SLC45A4: variants seen among roughly 807,000 people sequenced by gnomAD.
SLC45A4 encodes polyamine-transporter SLC45A4.
SLC45A4 carries 32 observed loss-of-function variants against 63.7 expected under a neutral mutation model. The ratio of observed to expected loss-of-function variants is 0.50; its 90% CI spans 0.38 to 0.67. SLC45A4 has a LOEUF of 0.67. SLC45A4 is among the 30% of genes least tolerant of loss of function. The pLI, the probability that SLC45A4 is intolerant of heterozygous loss-of-function variation, is 0.00. For missense variants in SLC45A4, 1,027 were observed against 1,157.7 expected (o/e 0.89, Z 1.64); for synonymous variants, 535 against 510.0 (o/e 1.05, Z -0.66).
intron 1 of SLC45A4, among the ~76,000 whole-genome samples, chr8:141,280,992 C>T (rs1829916698): frequency 6.6e-6 from 1 of 152,256 alleles, no homozygotes; most frequent in African/African-American, 2.4e-5. Context: ...GTCCAGGCAT[C>T]CTCTCAGCAT....
At chr8:141,258,961 A>G (rs764609280) in intron 1 of SLC45A4, among the ~76,000 whole-genome samples, 9 of 152,066 alleles carry the variant, frequency 5.9e-5, no homozygotes, top group Non-Finnish European at 1.3e-4. Flanking sequence ...GATTTCAAAA[A>G]ACTAAGCCCT....
chr8:141,280,623 C>T (rs1829896978), intron 1 of SLC45A4, among the ~76,000 whole-genome samples: 2 of 152,198 alleles, frequency 1.3e-5, no homozygotes, highest in African/African-American at 4.8e-5. Flanking sequence ...CTCCAAACAG[C>T]CAGGCTGAGT....
chr8:141,254,183 T>C lies in SLC45A4; in HGVS notation c.47A>G (p.Gln16Arg), dbSNP rs1285960140. The C allele has an allele frequency of 6.5e-6, 10 of 1,536,008 alleles. No individual in the cohort carries two copies. The East Asian group carries it at 2.2e-4, about 34-fold the overall frequency. Residue 16 changes from glutamine (Q) to arginine (R), a missense_variant, in exon 2 of 9, where the codon CAA (glutamine) becomes CGA (arginine). Physicochemically the swap from Gln to Arg is conservative, Grantham distance 43. Transcript: ENST00000517878. This position sits in a 1 kb window ranked among gnomAD's most constrained non-coding sequence, Gnocchi z 4.5. The stretch of plus-strand genomic sequence containing the variant: ...GTCCGGCAGGGGCACGGATAACTCT[T>C]GAACTTGCATAGATTCCGGGTCGGC... ...QNADPESMQVQELSVPLPDPQ... is the reference protein window; with the variant it reads ...QNADPESMQVRELSVPLPDPQ...
At chr8:141,238,394 C>T (rs886427186) in intron 2 of SLC45A4, among the ~76,000 whole-genome samples, 1 of 152,168 alleles carries the variant, frequency 6.6e-6, no homozygotes, top group African/African-American at 2.4e-5. Flanking sequence ...CTTAGACTGC[C>T]GTGCAACCAT....
chr8:141,274,450 C>T (rs1235258343), intron 1 of SLC45A4, among the ~76,000 whole-genome samples: 2 of 149,904 alleles, frequency 1.3e-5, no homozygotes, highest in Non-Finnish European at 3.0e-5. Context: ...AGGAGAATCG[C>T]TTGAACCCGG....
intron 2 of SLC45A4, among the ~76,000 whole-genome samples, chr8:141,244,710 A>G (rs1828082563): frequency 6.6e-6 from 1 of 152,174 alleles, no homozygotes; most frequent in South Asian, 2.1e-4. Flanking sequence ...ATCAAATCCA[A>G]GATGCCACCA....
At chr8:141,212,033 T>C in intron 8 of SLC45A4, 164 bp downstream of exon 8, 1 of 1,345,362 alleles carries the variant, frequency 7.4e-7, no homozygotes, top group Non-Finnish European at 9.5e-7. Flanking sequence ...GACTACTGAA[T>C]TGTGGCTATG....
At chr8:141,248,446 A>G (rs1211606365) in intron 2 of SLC45A4, among the ~76,000 whole-genome samples, 2 of 152,010 alleles carry the variant, frequency 1.3e-5, no homozygotes, top group African/African-American at 2.4e-5. Flanking sequence ...GTGCGTACCT[A>G]CAGTCCAAGC....
chr8:141,227,430 AT>A lies in SLC45A4; in HGVS notation c.242-5666del, dbSNP rs1827077836. 6.6e-6 allele frequency among the ~76,000 whole-genome samples: 1 copy of A among 152,242 alleles called. No individual in the cohort carries two copies. The highest frequency in any genetic ancestry group is 2.1e-4 in the South Asian group (1 of 4,832). On this transcript the variant is annotated intron_variant, in intron 2 of 8. Transcript: ENST00000517878. The surrounding 1 kb of genome is among the most constrained non-coding windows in gnomAD (Gnocchi z 4.4). ...TTCTTTCAATGGACAAAGCTTCCAC[AT>A]CAAGATACGCTTGTGTGCTGGGACC...
chr8:141,273,646 A>G (rs563168203), intron 1 of SLC45A4, among the ~76,000 whole-genome samples: 159 of 152,272 alleles, frequency 1.0e-3, no homozygotes, highest in Non-Finnish European at 1.9e-3. Flanking sequence ...ACAGGGCACA[A>G]TTGAGGAATA....
chr8:141,242,981 C>A (rs536593468), intron 2 of SLC45A4, among the ~76,000 whole-genome samples: 7 of 152,338 alleles, frequency 4.6e-5, no homozygotes, highest in Admixed American at 3.3e-4. Flanking sequence ...GGCGAGGACC[C>A]ATCTACCGGG....
intron 1 of SLC45A4, among the ~76,000 whole-genome samples, chr8:141,274,709 C>T (rs2154614979): frequency 6.6e-6 from 1 of 152,332 alleles, no homozygotes; most frequent in Non-Finnish European, 1.5e-5. Context: ...GAAACTAAGG[C>T]TGAAGGTCAG....
chr8:141,254,698 G>A lies in SLC45A4; in HGVS notation c.-400-69C>T, dbSNP rs763623624. 1.1e-4 allele frequency: 77 copies of A among 692,924 alleles called. No homozygotes were observed. Among genetic ancestry groups the A allele is most frequent in the African/African-American group, 6.5e-4 (37 of 57,148 alleles). 42.9% of individuals were successfully genotyped at this position (692,924 alleles called of 1,614,324 possible). ...CCACCAGATGGCCCTGTGGACCGCC[G>A]CCCGACCCCCGAGCAAGCCGTGTGC... On this transcript the variant is annotated intron_variant, in intron 1 of 8. Transcript: ENST00000517878. This position sits in a 1 kb window ranked among gnomAD's most constrained non-coding sequence, Gnocchi z 4.5.
rs758121548 is a variant in SLC45A4 at position 141,218,791 on chromosome 8, G to T, written c.849C>A (p.Phe283Leu). The stretch of plus-strand genomic sequence containing the variant: ...CGTGCTCCGACTGTACCTCGTCTGG[G>T]AAGGCAGGGACGCCGTGCGGCTCGC... ...DGGEPHGVPA[F>L]PDEVQSEHEL... is the part of the protein sequence containing the mutation. The change falls in exon 5 of 9, where the codon TTC becomes TTA. Residue 283 changes from phenylalanine (F) to leucine (L), a missense_variant. Phe to Leu is a conservative substitution (Grantham distance 22). Transcript: ENST00000517878. 5.6e-6 allele frequency: 9 copies of T among 1,613,250 alleles called. No homozygotes were observed. Among genetic ancestry groups the T allele is most frequent in the Non-Finnish European group, 7.6e-6 (9 of 1,179,858 alleles).
intron 2 of SLC45A4, among the ~76,000 whole-genome samples, chr8:141,244,257 A>G (rs1032354621): frequency 2.0e-5 from 3 of 152,174 alleles, no homozygotes; most frequent in African/African-American, 4.8e-5. Flanking sequence ...GCCTCCTCCA[A>G]GCGAGCAGCT....
chr8:141,218,283 G>A lies in SLC45A4; in HGVS notation c.1357C>T (p.Arg453Cys), dbSNP rs199873443. 39 of 1,604,506 alleles carry A rather than the reference G, an allele frequency of 2.4e-5. No individual in the cohort carries two copies. In the Admixed American group the frequency reaches 5.7e-4, roughly 23 times the overall value. ...ATGTCGTACAGGTCGCTCATGCTGC[G>A]CGACGGCTTGATCAGCACCACGGCG... ...ANAVVLIKPS[R>C]SMSDLYDMQK... The change falls in exon 5 of 9, where the codon CGC becomes TGC. Residue 453 changes from arginine (R) to cysteine (C), a missense_variant. Transcript: ENST00000517878.
At chr8:141,307,434 C>T (rs1000425111) in intron 1 of SLC45A4, among the ~76,000 whole-genome samples, 2 of 152,116 alleles carry the variant, frequency 1.3e-5, no homozygotes, top group African/African-American at 4.8e-5. Flanking sequence ...GAGCCACAGT[C>T]TGGCGGTGCA....
chr8:141,239,578 A>G (rs1330033473), intron 2 of SLC45A4, among the ~76,000 whole-genome samples: 1 of 105,398 alleles, frequency 9.5e-6, no homozygotes, highest in Non-Finnish European at 2.3e-5. Context: ...AGCAAAGCAC[A>G]CACACACACA....
At chr8:141,251,142 A>G (rs888105889) in intron 2 of SLC45A4, among the ~76,000 whole-genome samples, 1 of 152,202 alleles carries the variant, frequency 6.6e-6, no homozygotes, top group African/African-American at 2.4e-5. Context: ...CCCAATTGGT[A>G]ATTCCAAGCG....
Sources: gnomAD v4.1 joint callset for allele counts (sites outside exome capture counted in the v4.1 genomes callset) on GRCh38, gnomAD v4.1.1 for gene constraint, Gnocchi (gnomAD v3.1) non-coding constraint, MANE v1.5 for transcripts, NCBI Gene and HGNC (gene_info 2026-07-23, HGNC 2026-07-21) for gene names.